Variants in FHIT observed in about 807,000 individuals in gnomAD.
FHIT encodes the protein fragile histidine triad diadenosine triphosphatase.
FHIT carries 19 observed loss-of-function variants against 17.9 expected under a neutral mutation model. The ratio of observed to expected loss-of-function variants is 1.06; its 90% CI spans 0.74 to 1.56. The LOEUF (loss-of-function observed/expected upper bound fraction) is 1.56. FHIT is among the 40% of genes most tolerant of loss of function. The pLI is 0.00. For missense variants in FHIT, 248 were observed against 189.2 expected (o/e 1.31, Z -1.82); for synonymous variants, 81 against 69.7 (o/e 1.16, Z -0.81).
intron 5 of FHIT, among the ~76,000 whole-genome samples, chr3:60,435,209 G>A (rs903386406): frequency 6.6e-6 from 1 of 152,106 alleles, no homozygotes; most frequent in Non-Finnish European, 1.5e-5. Flanking sequence ...GGAAGTAACT[G>A]CAAACCATAA....
chr3:60,550,790 A>T (rs1278635701), intron 4 of FHIT, among the ~76,000 whole-genome samples: 2 of 152,198 alleles, frequency 1.3e-5, no homozygotes, highest in South Asian at 2.1e-4. Flanking sequence ...TATTCCAAAT[A>T]CTATTCTAGT....
At chr3:60,689,557 G>A (rs995391224) in intron 4 of FHIT, among the ~76,000 whole-genome samples, 7 of 152,088 alleles carry the variant, frequency 4.6e-5, no homozygotes, top group African/African-American at 9.7e-5. Context: ...ACCAAGGGAC[G>A]ACAGTACTTG....
At chr3:59,968,066 G>A (rs17375293) in intron 7 of FHIT, among the ~76,000 whole-genome samples, 14,502 of 152,108 alleles carry the variant, frequency 0.095, 880 homozygotes, top group Admixed American at 0.13. Flanking sequence ...CCAGGGGTAG[G>A]TAGTCAGTTT....
chr3:60,201,007 C>T (rs1349212153), intron 5 of FHIT, among the ~76,000 whole-genome samples: 1 of 152,134 alleles, frequency 6.6e-6, no homozygotes, highest in Non-Finnish European at 1.5e-5. Flanking sequence ...ACAGAACTTA[C>T]TAAAGTTCAG....
intron 4 of FHIT, among the ~76,000 whole-genome samples, chr3:60,798,267 T>A (rs1329780777): frequency 6.6e-6 from 1 of 152,316 alleles, no homozygotes; most frequent in East Asian, 1.9e-4. Context: ...ATGACAATTT[T>A]ACTGAAATGA....
intron 5 of FHIT, among the ~76,000 whole-genome samples, chr3:60,182,124 G>A (rs1433037424): frequency 6.6e-6 from 1 of 152,150 alleles, no homozygotes; most frequent in African/African-American, 2.4e-5. Flanking sequence ...AAACTGTCCT[G>A]GCGCCAATGG....
At chr3:60,169,152 T>G (rs1017449506) in intron 5 of FHIT, among the ~76,000 whole-genome samples, 2 of 152,178 alleles carry the variant, frequency 1.3e-5, no homozygotes. Flanking sequence ...TGTGCCAAAA[T>G]AATGAAAGAA....
intron 5 of FHIT, among the ~76,000 whole-genome samples, chr3:60,104,259 T>C (rs978126812): frequency 2.0e-5 from 3 of 152,176 alleles, no homozygotes; most frequent in Non-Finnish European, 4.4e-5. Context: ...TGTCAACACA[T>C]CATCAATCAA....
intron 5 of FHIT, chr3:60,536,555 C>G: frequency 3.8e-6 from 1 of 260,700 alleles, no homozygotes; most frequent in Non-Finnish European, 7.2e-6. Flanking sequence ...TTTAGAAGCA[C>G]CTATTTATTT....
At chr3:60,548,644 C>T (rs1252516812) in intron 4 of FHIT, among the ~76,000 whole-genome samples, 1 of 152,142 alleles carries the variant, frequency 6.6e-6, no homozygotes, top group Admixed American at 6.5e-5. Flanking sequence ...CTCTAAGTAG[C>T]AACAACAGCA....
intron 3 of FHIT, among the ~76,000 whole-genome samples, chr3:60,872,695 A>C (rs1014378080): frequency 6.6e-6 from 1 of 152,290 alleles, no homozygotes; most frequent in Admixed American, 6.5e-5. Context: ...ATTTATTGAG[A>C]CAAATCCTCA....
chr3:60,263,569 G>A (rs1340710526), intron 5 of FHIT, among the ~76,000 whole-genome samples: 1 of 151,892 alleles, frequency 6.6e-6, no homozygotes, highest in Non-Finnish European at 1.5e-5. Context: ...GGAACAAAAA[G>A]ATACATGCTA....
chr3:60,189,768 A>T (rs1459150813), intron 5 of FHIT, among the ~76,000 whole-genome samples: 2 of 152,350 alleles, frequency 1.3e-5, no homozygotes. Context: ...CAAAAGAGTT[A>T]ACTACTTTGC....
chr3:59,825,964 T>C (rs1348773221), intron 8 of FHIT, among the ~76,000 whole-genome samples: 1 of 152,198 alleles, frequency 6.6e-6, no homozygotes, highest in African/African-American at 2.4e-5. Flanking sequence ...CTAAGGCTGC[T>C]TTCTTGCTAA....
rs769519975 is a variant in FHIT at position 59,960,899 on chromosome 3, C to A, written c.280-38485G>T. 2.3e-4 allele frequency among the ~76,000 whole-genome samples: 35 copies of A among 152,154 alleles called. 1 individual carries two copies. The highest frequency in any genetic ancestry group is 4.3e-4 in the Non-Finnish European group (29 of 68,034). On this transcript the variant is annotated intron_variant, in intron 7 of 9. Transcript: ENST00000492590. ...TAGTTTTCAGAAGATCCACATGAGA[C>A]TCCAAATGGTCAAATTATCCTGACA...
chr3:60,358,555 A>G (rs1699769900), intron 5 of FHIT, among the ~76,000 whole-genome samples: 1 of 152,228 alleles, frequency 6.6e-6, no homozygotes, highest in East Asian at 1.9e-4. Flanking sequence ...GCCTAGGTCA[A>G]AAAGCTAAGG....
intron 4 of FHIT, among the ~76,000 whole-genome samples, chr3:60,721,135 G>A (rs1458925535): frequency 2.6e-5 from 4 of 152,058 alleles, no homozygotes; most frequent in Admixed American, 1.3e-4. Context: ...AAAAAAAGGT[G>A]AGAACTCCTG....
chr3:61,127,939 T>A (rs762848968), intron 2 of FHIT, among the ~76,000 whole-genome samples: 7 of 152,240 alleles, frequency 4.6e-5, no homozygotes, highest in Non-Finnish European at 8.8e-5. Flanking sequence ...GAAGGTATTT[T>A]AAATATTTAT....
At chr3:60,118,284 T>TA (rs1451692439) in intron 5 of FHIT, among the ~76,000 whole-genome samples, 1 of 151,492 alleles carries the variant, frequency 6.6e-6, no homozygotes, top group East Asian at 1.9e-4. Flanking sequence ...TTTTTAATTT[T>TA]TTTTTTTTTT....
Sources: gnomAD v4.1 joint callset for allele counts (sites outside exome capture counted in the v4.1 genomes callset) on GRCh38, gnomAD v4.1.1 for gene constraint, MANE v1.5 for transcripts, NCBI Gene and HGNC (gene_info 2026-07-23, HGNC 2026-07-21) for gene names.